STXBP6: variants seen among roughly 807,000 people sequenced by gnomAD.
STXBP6 encodes syntaxin binding protein 6.
Under a neutral mutation model 26.9 loss-of-function variants are expected in STXBP6, and 21 were observed. The ratio of observed to expected loss-of-function variants is 0.78; its 90% CI spans 0.55 to 1.12. The LOEUF (loss-of-function observed/expected upper bound fraction) is 1.12, where lower values mean the gene tolerates loss of function less well. STXBP6 is among the 50% of genes most tolerant of loss of function. STXBP6 has a pLI of 0.00. For synonymous variants in STXBP6, 97 were observed against 92.6 expected (o/e 1.05, Z -0.27); for missense variants, 232 against 257.9 (o/e 0.90, Z 0.69).
intron 2 of STXBP6, among the ~76,000 whole-genome samples, chr14:24,900,623 C>A (rs952411298): frequency 1.3e-5 from 2 of 152,150 alleles, no homozygotes; most frequent in African/African-American, 4.8e-5. Context: ...CAAAATTATT[C>A]CCCCGAGCTA....
intron 2 of STXBP6, among the ~76,000 whole-genome samples, chr14:24,950,278 T>C (rs1595172438): frequency 6.6e-6 from 1 of 152,144 alleles, no homozygotes; most frequent in Non-Finnish European, 1.5e-5. Flanking sequence ...TTTGGTATTA[T>C]ACACAGAAGC....
At chr14:24,869,947 G>A (rs2069868174) in intron 2 of STXBP6, among the ~76,000 whole-genome samples, 1 of 152,128 alleles carries the variant, frequency 6.6e-6, no homozygotes, top group South Asian at 2.1e-4. Flanking sequence ...TCTACACTAT[G>A]AAGTATGGTT....
At chr14:24,879,663 G>A (rs1035771588) in intron 2 of STXBP6, among the ~76,000 whole-genome samples, 5 of 152,302 alleles carry the variant, frequency 3.3e-5, no homozygotes, top group Admixed American at 2.6e-4. Context: ...CAAACAAGTT[G>A]ACAGAATCCA....
rs570505079 is a variant in STXBP6 at position 25,007,027 on chromosome 14, T to A, written c.-32-32177A>T. 3.9e-5 allele frequency among the ~76,000 whole-genome samples: 6 copies of A among 152,306 alleles called. No homozygotes were observed. The South Asian group carries it at 1.2e-3, about 32-fold the overall frequency. ...ACTCAAAATTATGCCTCGGCAAAAA[T>A]GCGAAATCAGCATATGACATAGACT... On this transcript the variant is annotated intron_variant, in intron 1 of 5. Transcript: ENST00000323944.
intron 1 of STXBP6, among the ~76,000 whole-genome samples, chr14:25,004,992 T>C (rs969972554): frequency 6.6e-6 from 1 of 152,200 alleles, no homozygotes; most frequent in African/African-American, 2.4e-5. Flanking sequence ...ACTGTTGTCT[T>C]TACTGCTCTC....
rs552562019 is a variant in STXBP6 at position 24,945,139 on chromosome 14, A to ATTTTTTTTTTTTTTTTTTTTTTTTTT, written c.154+29500_154+29525dup. Among the ~76,000 whole-genome samples the ATTTTTTTTTTTTTTTTTTTTTTTTTT allele has an allele frequency of 7.9e-5, 8 of 100,712 alleles. 3 individuals carry two copies. Among genetic ancestry groups the ATTTTTTTTTTTTTTTTTTTTTTTTTT allele is most frequent in the Non-Finnish European group, 7.8e-5 (4 of 51,272 alleles). The allele number at this position is 100,712 out of a possible 152,430, so 66.1% of individuals were successfully genotyped here. A position where few individuals can be genotyped will look rare whatever the true frequency, so the allele number is the denominator to read the frequency against. On this transcript the variant is annotated intron_variant, in intron 2 of 5. Coordinates refer to ENST00000323944, the MANE Select transcript of STXBP6 (RefSeq NM_001394410.1). The stretch of plus-strand genomic sequence containing the variant: ...TGGCATGTATATGAACCAATTAGGA[A>ATTTTTTTTTTTTTTTTTTTTTTTTTT]TTTTTTTTTTTTTTTTTTTTTTTTT...
chr14:24,879,629 A>G (rs898994024), intron 2 of STXBP6, among the ~76,000 whole-genome samples: 1 of 152,236 alleles, frequency 6.6e-6, no homozygotes, highest in Non-Finnish European at 1.5e-5. Flanking sequence ...AATTATTTTA[A>G]GAAGAGATGA....
intron 2 of STXBP6, among the ~76,000 whole-genome samples, chr14:24,959,268 G>C (rs1243559604): frequency 2.0e-5 from 3 of 152,172 alleles, no homozygotes; most frequent in Non-Finnish European, 2.9e-5. Context: ...GTCTTGGTAA[G>C]GGAAGAGAAA....
intron 2 of STXBP6, among the ~76,000 whole-genome samples, chr14:24,890,976 A>G (rs1029653265): frequency 1.6e-4 from 24 of 152,194 alleles, no homozygotes; most frequent in African/African-American, 5.3e-4. Flanking sequence ...GTGCCAGTGC[A>G]CTGCTGCCAT....
chr14:24,916,222 A>C (rs1475386341), intron 2 of STXBP6, among the ~76,000 whole-genome samples: 1 of 152,122 alleles, frequency 6.6e-6, no homozygotes, highest in African/African-American at 2.4e-5. Flanking sequence ...TGCTATGAGA[A>C]TGTAACTGGG....
chr14:24,966,389 G>GA (rs5807270), intron 2 of STXBP6, among the ~76,000 whole-genome samples: 8,614 of 142,350 alleles, frequency 0.061, 286 homozygotes, highest in Middle Eastern at 0.091. Flanking sequence ...CCCTGTCTTG[G>GA]AAAAAAAAAA....
At chr14:24,853,610 C>T (rs1670760316) in intron 4 of STXBP6, among the ~76,000 whole-genome samples, 1 of 152,076 alleles carries the variant, frequency 6.6e-6, no homozygotes, top group African/African-American at 2.4e-5. Context: ...CTAGTCTAAC[C>T]TCTACATGTG....
intron 1 of STXBP6, among the ~76,000 whole-genome samples, chr14:25,025,734 G>C (rs988173804): frequency 4.6e-5 from 7 of 152,100 alleles, no homozygotes; most frequent in Admixed American, 4.6e-4. Context: ...TATCACGAGG[G>C]ACACTCATAA....
chr14:24,843,810 G>A (rs1436695848), intron 4 of STXBP6, among the ~76,000 whole-genome samples: 1 of 152,062 alleles, frequency 6.6e-6, no homozygotes, highest in Non-Finnish European at 1.5e-5. Flanking sequence ...ATATATATTT[G>A]GTCTCTGCCC....
chr14:24,821,781 C>T (rs565575629), intron 4 of STXBP6, among the ~76,000 whole-genome samples: 1 of 152,158 alleles, frequency 6.6e-6, no homozygotes, highest in Non-Finnish European at 1.5e-5. Flanking sequence ...TTGACTTTTT[C>T]ACCTGTAGAT....
chr14:25,039,399 G>A (rs1330506560), intron 1 of STXBP6, among the ~76,000 whole-genome samples: 1 of 152,072 alleles, frequency 6.6e-6, no homozygotes, highest in East Asian at 1.9e-4. Context: ...CTTCATTTTG[G>A]AGGCATCAAG....
At chr14:24,927,704 C>A (rs774234702) in intron 2 of STXBP6, among the ~76,000 whole-genome samples, 1 of 152,180 alleles carries the variant, frequency 6.6e-6, no homozygotes, top group Non-Finnish European at 1.5e-5. Flanking sequence ...ATTACAGTAG[C>A]CTTCCTTCAA....
intron 4 of STXBP6, among the ~76,000 whole-genome samples, chr14:24,840,700 C>T (rs747504548): frequency 2.0e-4 from 31 of 152,294 alleles, no homozygotes; most frequent in Non-Finnish European, 4.0e-4. Flanking sequence ...GTTTGTAATT[C>T]GAGACAGACA....
At chr14:24,985,326 C>A (rs1296631300) in intron 1 of STXBP6, among the ~76,000 whole-genome samples, 1 of 152,248 alleles carries the variant, frequency 6.6e-6, no homozygotes, top group Non-Finnish European at 1.5e-5. Flanking sequence ...ATTTCGAGAC[C>A]TGCAGTTTGC....
Sources: allele counts gnomAD v4.1 joint callset (sites outside exome capture counted in the v4.1 genomes callset), GRCh38; gene constraint gnomAD v4.1.1; transcripts MANE v1.5; gene names NCBI Gene and HGNC (gene_info 2026-07-23, HGNC 2026-07-21).